The following USP34 variants were observed in gnomAD, a reference collection of about 807,000 sequenced individuals.
USP34 encodes the protein ubiquitin specific peptidase 34.
USP34 carries 70 observed loss-of-function variants against 460.3 expected under a neutral mutation model. The observed-to-expected ratio is 0.15, with a 90% CI of 0.13 to 0.19. The LOEUF (loss-of-function observed/expected upper bound fraction) is 0.19. Ranked by LOEUF, USP34 falls within the 10% of genes least tolerant of loss-of-function variation. The pLI, the probability that USP34 is intolerant of heterozygous loss-of-function variation, is 1.00. For synonymous variants in USP34, 1,647 were observed against 1,405.3 expected, an observed-to-expected ratio of 1.17 and a Z score of -3.85; for missense variants, 3,985 against 4,236.2, an observed-to-expected ratio of 0.94 and a Z score of 1.65.
At chr2:61,377,538 G>T (rs1216994005) in intron 8 of USP34, among the ~76,000 whole-genome samples, 1 of 151,970 alleles carries the variant, frequency 6.6e-6, no homozygotes, top group African/African-American at 2.4e-5. Flanking sequence ...TTCATGAATG[G>T]GATTAGTGGC....
intron 32 of USP34, among the ~76,000 whole-genome samples, chr2:61,294,482 G>A (rs941906926): frequency 1.3e-5 from 2 of 151,914 alleles, no homozygotes; most frequent in African/African-American, 2.4e-5. Flanking sequence ...GCTGTGGTGC[G>A]ATCTCAGCTC....
At chr2:61,222,698 T>C (rs1341710110) in intron 64 of USP34, 35 bp from the exon 65 acceptor site, 1 of 1,585,936 alleles carries the variant, frequency 6.3e-7, no homozygotes, top group Non-Finnish European at 8.6e-7. Context: ...AGGATATTCT[T>C]GTTTTGTTTT....
chr2:61,296,057 T>C (rs746418186), intron 30 of USP34, among the ~76,000 whole-genome samples: 11 of 152,196 alleles, frequency 7.2e-5, no homozygotes, highest in African/African-American at 2.2e-4. Context: ...TCAGGAGTTA[T>C]AGATCAACTT....
At chr2:61,377,721 A>T (rs2694644) in intron 8 of USP34, among the ~76,000 whole-genome samples, 50,883 of 152,034 alleles carry the variant, frequency 0.33, 8,611 homozygotes, top group Non-Finnish European at 0.38. Flanking sequence ...TCTGTTGTTT[A>T]TAAGTCATCC....
intron 44 of USP34, among the ~76,000 whole-genome samples, chr2:61,258,454 C>T (rs1485966095): frequency 3.9e-5 from 6 of 152,152 alleles, no homozygotes; most frequent in African/African-American, 7.2e-5. Context: ...TGGAATACTC[C>T]GGTTAATCTG....
chr2:61,417,221 A>T (rs1694222948), intron 2 of USP34: 1 of 1,476,604 alleles, frequency 6.8e-7, no homozygotes, highest in African/African-American at 1.4e-5. Context: ...GCAAGGTCAG[A>T]AACACGAACA....
intron 16 of USP34, among the ~76,000 whole-genome samples, chr2:61,343,157 G>A (rs1691658352): frequency 6.6e-6 from 1 of 152,230 alleles, no homozygotes; most frequent in Non-Finnish European, 1.5e-5. Flanking sequence ...GCCAGCATAT[G>A]TTGATGATAC....
At chr2:61,265,340 A>G in intron 43 of USP34, 57 bp downstream of exon 43, 3 of 1,539,682 alleles carry the variant, frequency 1.9e-6, no homozygotes, top group Non-Finnish European at 2.6e-6. Flanking sequence ...AAAATTTATC[A>G]ACAAAATATT....
At chr2:61,252,660 G>A (rs181089808) in intron 48 of USP34, among the ~76,000 whole-genome samples, 10 of 152,186 alleles carry the variant, frequency 6.6e-5, no homozygotes, top group African/African-American at 2.4e-4. Context: ...GGAATAAAAA[G>A]TTCAAAAATT....
At chr2:61,455,576 C>T (rs947618432) in intron 1 of USP34, among the ~76,000 whole-genome samples, 2 of 152,046 alleles carry the variant, frequency 1.3e-5, no homozygotes, top group Admixed American at 6.6e-5. Flanking sequence ...AGTTCAAGAC[C>T]AGCCCAGGCA....
At position 61,348,437 on chromosome 2, in the gene USP34, T is replaced by C. The variant is rs888302769; in HGVS notation, c.1718A>G (p.Glu573Gly). The change falls in exon 15 of 80, where the codon GAA becomes GGA. Residue 573 changes from glutamate to glycine, a missense_variant. By Grantham distance (98) the Glu-to-Gly change is moderately conservative (BLOSUM62 -2). Coordinates refer to ENST00000398571, the MANE Select transcript of USP34 (RefSeq NM_014709.4). ...GCTACCAGGACCACTGCTTCCATCTTCACCACTGTTGGCAGTTTCGTCAGA... is the reference window on the plus strand; with the variant it reads ...GCTACCAGGACCACTGCTTCCATCTCCACCACTGTTGGCAGTTTCGTCAGA... ...GSSDETANSG[E>G]DGSSGPGSSS... The C allele has an allele frequency of 2.5e-6, 4 of 1,613,582 alleles. No homozygotes were observed. Among genetic ancestry groups the C allele is most frequent in the Non-Finnish European group, 3.4e-6 (4 of 1,179,950 alleles).
chr2:61,320,591 C>A (rs150053539), intron 21 of USP34, among the ~76,000 whole-genome samples: 2 of 152,136 alleles, frequency 1.3e-5, no homozygotes, highest in African/African-American at 2.4e-5. Context: ...CTCATCCAGG[C>A]GCAGTGGCTT....
rs1169215369 is a variant in USP34 at position 61,293,540 on chromosome 2, G to A, written c.4472C>T (p.Ala1491Val). The A allele has an allele frequency of 6.2e-7, 1 of 1,611,890 alleles. No individual in the cohort carries two copies. Among genetic ancestry groups the A allele is most frequent in the Admixed American group, 1.7e-5 (1 of 59,808 alleles). The part of the protein sequence containing the change: ...KNSWSCKFVA[A>V]GGLQQLLEIF... The stretch of plus-strand genomic sequence containing the variant: ...TTCTAATAACTGTTGAAGCCCTCCA[G>A]CAGCAACAAACTGTAGGCAATTGTG... Residue 1491 changes from alanine (A) to valine (V), a missense_variant, in exon 33 of 80, where the codon GCT becomes GTT. Physicochemically the swap from Ala to Val is moderately conservative, Grantham distance 64. This residue lies in a region of USP34 where 1,114 missense variants were observed against 1,122.5 expected (regional missense o/e 0.99). Transcript: ENST00000398571.
chr2:61,239,241 T>C (rs1688171238), intron 53 of USP34, among the ~76,000 whole-genome samples: 1 of 148,722 alleles, frequency 6.7e-6, no homozygotes, highest in Non-Finnish European at 1.5e-5. Flanking sequence ...TCACACATCT[T>C]TCACCTTAAA....
intron 10 of USP34, 83 bp from the exon 11 acceptor site, chr2:61,350,776 C>A: frequency 6.9e-7 from 1 of 1,450,480 alleles, no homozygotes; most frequent in Non-Finnish European, 9.2e-7. Context: ...GTTTGAAAGT[C>A]AAAAAGTTGG....
intron 1 of USP34, among the ~76,000 whole-genome samples, chr2:61,434,723 T>C (rs1247331571): frequency 6.7e-6 from 1 of 150,224 alleles, no homozygotes; most frequent in African/African-American, 2.4e-5. Context: ...GATCCACTTA[T>C]ATAAATTAAG....
At chr2:61,355,624 A>C (rs1271968301) in intron 10 of USP34, among the ~76,000 whole-genome samples, 2 of 152,106 alleles carry the variant, frequency 1.3e-5, no homozygotes, top group African/African-American at 2.4e-5. Context: ...AACAACAACA[A>C]CAACAACAAC....
Position 61,232,377 on chromosome 2 carries a change from T to C in USP34, c.7113+75A>G, listed in dbSNP as rs766306205. 20 of 1,229,078 alleles carry C rather than the reference T, an allele frequency of 1.6e-5. 1 individual carries two copies. In the South Asian group the frequency reaches 1.8e-4, roughly 11 times the overall value. The allele number at this position is 1,229,078 out of a possible 1,614,324, so 76.1% of individuals were successfully genotyped here. A position where few individuals can be genotyped will look rare whatever the true frequency, so the allele number is the denominator to read the frequency against. On this transcript the variant is annotated intron_variant, in intron 58 of 79. Transcript: ENST00000398571. ...TCAATATTAGGTTAAGACACACTTA[T>C]AAGCAAATTGAGAATAATTAAATTG...
At chr2:61,266,609 A>T (rs986085978) in intron 41 of USP34, among the ~76,000 whole-genome samples, 1 of 152,186 alleles carries the variant, frequency 6.6e-6, no homozygotes, top group African/African-American at 2.4e-5. Context: ...TACTTTTTCC[A>T]AAATTAAGTC....
Sources: gnomAD v4.1 joint callset for allele counts (sites outside exome capture counted in the v4.1 genomes callset) on GRCh38, gnomAD v4.1.1 for gene constraint, gnomAD v4.1.1 regional missense constraint, MANE v1.5 for transcripts, NCBI Gene and HGNC (gene_info 2026-07-23, HGNC 2026-07-21) for gene names.